ZNF676: variants seen among roughly 807,000 people sequenced by gnomAD.
The protein encoded by ZNF676 is zinc finger protein 676.
Under a neutral mutation model 6.0 loss-of-function variants are expected in ZNF676, and 4 were observed. The ratio of observed to expected loss-of-function variants is 0.67; its 90% CI spans 0.33 to 1.53. The LOEUF (loss-of-function observed/expected upper bound fraction) is 1.53, where lower values mean the gene tolerates loss of function less well. ZNF676 is among the 40% of genes most tolerant of loss of function. The pLI, the probability that ZNF676 is intolerant of heterozygous loss-of-function variation, is 0.06. For missense variants in ZNF676, 644 were observed against 679.7 expected (o/e 0.95, Z 0.58); for synonymous variants, 198 against 223.1 (o/e 0.89, Z 1.00).
chr19:22,227,264 G>A, the ZNF676 span, among the ~76,000 whole-genome samples: 11 of 152,078 alleles, frequency 7.2e-5, no homozygotes, highest in Admixed American at 5.9e-4. Flanking sequence ...ATGACTACTG[G>A]GGAAATAATG....
In ZNF676 at chr19:22,181,205, C is replaced by A. The variant is rs2023744147; in HGVS notation, c.512G>T (p.Cys171Phe). The change falls in exon 3 of 3, where the codon TGT becomes TTT. Residue 171 changes from cysteine to phenylalanine, a missense_variant. Around this residue, in one of 5 missense-constraint regions of ZNF676, gnomAD observed 280 missense variants for 269.3 expected, o/e 1.04. Transcript: ENST00000397121. The part of the protein sequence containing the change: ...RIYTRENSYK[C>F]EENGKAFNWS... ...GTTAAAAGCTTTGCCATTTTCTTCA[C>A]ATTTGTAGGAATTCTCTCTAGTATA... is the stretch of plus-strand genomic sequence containing the variant. The A allele has an allele frequency of 1.2e-6, 2 of 1,613,786 alleles. No homozygotes were observed. The highest frequency in any genetic ancestry group is 2.7e-5 in the African/African-American group (2 of 74,924).
At chr19:22,209,534 AT>A (rs1161633988) in intron 1 of ZNF676, among the ~76,000 whole-genome samples, 2 of 152,126 alleles carry the variant, frequency 1.3e-5, no homozygotes. Flanking sequence ...GAAAAAGTAC[AT>A]TTTTGGTGCT....
chr19:22,214,659 G>A (rs915797313), intron 1 of ZNF676, among the ~76,000 whole-genome samples: 6 of 150,558 alleles, frequency 4.0e-5, no homozygotes, highest in African/African-American at 1.5e-4. Flanking sequence ...TACATTGGGG[G>A]AAAAAAATTC....
chr19:22,194,350 T>C lies in ZNF676; in HGVS notation c.35-1239A>G, dbSNP rs146856568. Among the ~76,000 whole-genome samples the C allele has an allele frequency of 4.4e-3, 619 of 139,292 alleles. 4 individuals carry two copies. The highest frequency in any genetic ancestry group is 0.016 in the African/African-American group (587 of 37,420). 91.4% of individuals were successfully genotyped at this position (139,292 alleles called of 152,430 possible). On this transcript the variant is annotated intron_variant, in intron 1 of 2. Coordinates refer to ENST00000397121, the MANE Select transcript of ZNF676 (RefSeq NM_001001411.3). Reference sequence around the variant, plus strand: ...AAAATGTAAATGCAGATTGCAAGTGTGCAATGGCTCCTGTGAGATCCACAC... The same window carrying C: ...AAAATGTAAATGCAGATTGCAAGTGCGCAATGGCTCCTGTGAGATCCACAC...
the ZNF676 span, among the ~76,000 whole-genome samples, chr19:22,255,724 T>A: frequency 1.5e-4 from 23 of 152,046 alleles, no homozygotes; most frequent in South Asian, 4.6e-3. Context: ...GGGTGCCTGT[T>A]GTCTCAGCTA....
Position 22,190,645 on chromosome 19 carries a change from A to ATATACATAGAATTCTATG in ZNF676, c.130+2370_130+2371insCATAGAATTCTATGTATA, listed in dbSNP as rs2023891801. The stretch of plus-strand genomic sequence containing the variant: ...TAGAATGCAACATATATATATATAT[A>ATATACATAGAATTCTATG]TATATATATATATATATATACATAC... On this transcript the variant is annotated intron_variant, in intron 2 of 2. Transcript: ENST00000397121. Among the ~76,000 whole-genome samples the ATATACATAGAATTCTATG allele has an allele frequency of 1.3e-4, 16 of 123,340 alleles. 1 individual carries two copies. The highest frequency in any genetic ancestry group is 2.2e-4 in the Non-Finnish European group (14 of 62,650). 80.9% of individuals were successfully genotyped at this position (123,340 alleles called of 152,430 possible). A position where few individuals can be genotyped will look rare whatever the true frequency, so the allele number is the denominator to read the frequency against.
intron 2 of ZNF676, among the ~76,000 whole-genome samples, chr19:22,188,357 T>C (rs2023865082): frequency 6.6e-6 from 1 of 152,176 alleles, no homozygotes; most frequent in African/African-American, 2.4e-5. Flanking sequence ...AGATGGAACA[T>C]ATCTCAAAAT....
the ZNF676 span, among the ~76,000 whole-genome samples, chr19:22,229,627 C>A: frequency 1.3e-5 from 2 of 152,000 alleles, no homozygotes; most frequent in Non-Finnish European, 2.9e-5. Flanking sequence ...AATATCCAGG[C>A]TCTACAAAGA....
chr19:22,185,164 G>A (rs2023818829), intron 2 of ZNF676, among the ~76,000 whole-genome samples: 1 of 152,174 alleles, frequency 6.6e-6, no homozygotes, highest in South Asian at 2.1e-4. Context: ...ACCTTCCAGA[G>A]GAAGGAACAG....
chr19:22,234,681 C>T, the ZNF676 span, among the ~76,000 whole-genome samples: 1 of 152,162 alleles, frequency 6.6e-6, no homozygotes, highest in African/African-American at 2.4e-5. Context: ...TGCCTGTAAT[C>T]CCAGCACTTT....
At chr19:22,247,095 C>T in the ZNF676 span, among the ~76,000 whole-genome samples, 2 of 152,154 alleles carry the variant, frequency 1.3e-5, no homozygotes, top group Non-Finnish European at 1.5e-5. Context: ...AACTGCAGCA[C>T]CAATTAGCCA....
the ZNF676 span, among the ~76,000 whole-genome samples, chr19:22,236,064 G>A: frequency 6.6e-6 from 1 of 151,490 alleles, no homozygotes; most frequent in South Asian, 2.1e-4. Flanking sequence ...GATGTGGTAG[G>A]AATCACCACC....
the ZNF676 span, among the ~76,000 whole-genome samples, chr19:22,240,797 A>C: frequency 1.3e-5 from 2 of 151,924 alleles, no homozygotes; most frequent in Non-Finnish European, 2.9e-5. Flanking sequence ...ATCTCAAAAA[A>C]AGAGAGAAAA....
chr19:22,195,575 T>G (rs1231271457), intron 1 of ZNF676, among the ~76,000 whole-genome samples: 2 of 152,214 alleles, frequency 1.3e-5, no homozygotes, highest in East Asian at 1.9e-4. Flanking sequence ...GAGAACTGGA[T>G]GCAGAGGCAT....
chr19:22,218,239 A>G (rs1284559683), upstream of ZNF676, among the ~76,000 whole-genome samples: 1 of 152,140 alleles, frequency 6.6e-6, no homozygotes, highest in Non-Finnish European at 1.5e-5. Flanking sequence ...AGTTTTTTCA[A>G]TGCTTTAGAA....
intron 1 of ZNF676, among the ~76,000 whole-genome samples, chr19:22,214,600 A>C (rs1411779110): frequency 8.3e-4 from 61 of 73,278 alleles, no homozygotes; most frequent in African/African-American, 7.6e-3. Flanking sequence ...CTTGGTCTCA[A>C]AAAAAAAAAA....
intron 2 of ZNF676, among the ~76,000 whole-genome samples, chr19:22,186,162 A>G (rs1484785354): frequency 6.6e-6 from 1 of 152,228 alleles, no homozygotes; most frequent in East Asian, 1.9e-4. Context: ...AGCAAAGCCC[A>G]TCAGACTAAC....
the ZNF676 span, among the ~76,000 whole-genome samples, chr19:22,254,795 T>G: frequency 2.0e-5 from 3 of 152,168 alleles, no homozygotes; most frequent in African/African-American, 7.2e-5. Flanking sequence ...CCCTGGGTTC[T>G]AGGGCCAGCA....
chr19:22,181,139 C>G lies in ZNF676; in HGVS notation c.578G>C (p.Gly193Ala). ...TLTYYKSIHT[G>A]EKPYKCEECG... ...TTCTTCACATTTGTAGGGTTTCTCT[C>G]CAGTATGAATACTCTTATAATAAGT... is the stretch of plus-strand genomic sequence containing the variant. Residue 193 changes from glycine to alanine, a missense_variant, in exon 3 of 3, where the codon GGA becomes GCA. Coordinates refer to ENST00000397121, the MANE Select transcript of ZNF676 (RefSeq NM_001001411.3). The G allele has an allele frequency of 6.2e-7, 1 of 1,613,866 alleles. No individual in the cohort carries two copies. The highest frequency in any genetic ancestry group is 8.5e-7 in the Non-Finnish European group (1 of 1,179,936).
Sources: gnomAD v4.1 joint callset for allele counts (sites outside exome capture counted in the v4.1 genomes callset) on GRCh38, gnomAD v4.1.1 for gene constraint, gnomAD v4.1.1 regional missense constraint, MANE v1.5 for transcripts, NCBI Gene and HGNC (gene_info 2026-07-23, HGNC 2026-07-21) for gene names.